DCUN1D4: variants seen among roughly 807,000 people sequenced by gnomAD.
The protein encoded by DCUN1D4 is DCN1-like protein 4.
A neutral mutation model predicts 47.9 loss-of-function variants in DCUN1D4; 22 were observed. The ratio of observed to expected loss-of-function variants is 0.46; its 90% CI spans 0.33 to 0.66. The LOEUF (loss-of-function observed/expected upper bound fraction) is 0.66. Among genes scored for constraint, DCUN1D4 ranks in the 30% least tolerant of loss-of-function variants. The pLI, the probability that DCUN1D4 is intolerant of heterozygous loss-of-function variation, is 0.02. For missense variants in DCUN1D4, 301 were observed against 340.8 expected (o/e 0.88, Z 0.92); for synonymous variants, 121 against 112.2 (o/e 1.08, Z -0.50).
intron 3 of DCUN1D4, among the ~76,000 whole-genome samples, chr4:51,873,149 G>T (rs1280962781): frequency 6.6e-6 from 1 of 152,148 alleles, no homozygotes; most frequent in Non-Finnish European, 1.5e-5. Flanking sequence ...ACGCTCTCCT[G>T]TCCTCATCAC....
At chr4:51,901,175 C>T (rs976435775) in intron 8 of DCUN1D4, among the ~76,000 whole-genome samples, 1 of 152,158 alleles carries the variant, frequency 6.6e-6, no homozygotes, top group African/African-American at 2.4e-5. Flanking sequence ...AGCCACCTTC[C>T]TGCTCCCCAC....
intron 3 of DCUN1D4, among the ~76,000 whole-genome samples, chr4:51,867,851 C>T (rs1417822592): frequency 6.6e-6 from 1 of 152,210 alleles, no homozygotes; most frequent in African/African-American, 2.4e-5. Context: ...TGCGCAGAAG[C>T]CTGCTTCCTG....
chr4:51,897,797 G>A (rs1731494778), intron 7 of DCUN1D4, among the ~76,000 whole-genome samples: 1 of 152,178 alleles, frequency 6.6e-6, no homozygotes, highest in African/African-American at 2.4e-5. Context: ...CAGCTTTAGG[G>A]GGCTACTGCC....
chr4:51,893,669 G>A (rs746944816), intron 7 of DCUN1D4, among the ~76,000 whole-genome samples: 59 of 152,222 alleles, frequency 3.9e-4, no homozygotes, highest in Non-Finnish European at 6.8e-4. Flanking sequence ...TGATCTGCCC[G>A]CCTCAGCCTC....
At chr4:51,861,262 T>C (rs1725006283) in intron 1 of DCUN1D4, among the ~76,000 whole-genome samples, 1 of 152,126 alleles carries the variant, frequency 6.6e-6, no homozygotes, top group Non-Finnish European at 1.5e-5. Flanking sequence ...GTTTTGTGTG[T>C]GTGTGCAAGT....
At chr4:51,898,912 T>C (rs1731681452) in intron 7 of DCUN1D4, among the ~76,000 whole-genome samples, 1 of 152,194 alleles carries the variant, frequency 6.6e-6, no homozygotes, top group African/African-American at 2.4e-5. Flanking sequence ...CTAAGAAAGT[T>C]AACATTGATA....
chr4:51,876,258 T>C (rs1335275523), intron 4 of DCUN1D4, among the ~76,000 whole-genome samples: 1 of 152,160 alleles, frequency 6.6e-6, no homozygotes, highest in East Asian at 1.9e-4. Flanking sequence ...TGAGTTCATG[T>C]CCTTTGTAGG....
intron 9 of DCUN1D4, among the ~76,000 whole-genome samples, chr4:51,911,844 G>A (rs1040024923): frequency 1.3e-5 from 2 of 152,254 alleles, no homozygotes; most frequent in South Asian, 2.1e-4. Context: ...TACTTGGGTT[G>A]TCATATATGG....
At position 51,915,469 on chromosome 4, in the gene DCUN1D4, C is replaced by T. The variant is rs1344220262; in HGVS notation, c.*1885C>T. On this transcript the variant is annotated 3_prime_UTR_variant, in exon 11 of 11. Coordinates refer to ENST00000334635, the MANE Select transcript of DCUN1D4 (RefSeq NM_001040402.3). The stretch of plus-strand genomic sequence containing the variant: ...AACAGGAAATGTTAATGGCAAGCAA[C>T]AGCTATTAATACTGATGTGATGGAT... The T allele has an allele frequency of 6.6e-6, 1 of 152,450 alleles. No individual in the cohort carries two copies. The highest frequency in any genetic ancestry group is 6.6e-5 in the Admixed American group (1 of 15,244). The allele number at this position is 152,450 out of a possible 1,614,324, so 9.4% of individuals were successfully genotyped here.
intron 1 of DCUN1D4, among the ~76,000 whole-genome samples, chr4:51,856,814 T>A (rs1020642260): frequency 2.0e-5 from 3 of 152,210 alleles, no homozygotes; most frequent in Admixed American, 2.0e-4. Flanking sequence ...CTAAAGTCCC[T>A]GTGTAAGGTG....
chr4:51,843,151 T>C, upstream of DCUN1D4: 1 of 1,514,308 alleles, frequency 6.6e-7, no homozygotes, highest in Middle Eastern at 2.2e-4. Context: ...CGGCGGGTCC[T>C]CAGCTTCGAG....
At chr4:51,887,250 C>G (rs868128976) in intron 6 of DCUN1D4, 2 of 351,474 alleles carry the variant, frequency 5.7e-6, no homozygotes, top group Admixed American at 4.1e-5. Context: ...TACAGGTGTG[C>G]GCCACCATGC....
At chr4:51,901,266 C>T (rs1167784143) in intron 8 of DCUN1D4, among the ~76,000 whole-genome samples, 1 of 152,140 alleles carries the variant, frequency 6.6e-6, no homozygotes, top group Non-Finnish European at 1.5e-5. Flanking sequence ...CATGTCAGCT[C>T]TGAGGGACAG....
chr4:51,836,928 AG>A, the DCUN1D4 span, among the ~76,000 whole-genome samples: 3 of 152,224 alleles, frequency 2.0e-5, no homozygotes, highest in Non-Finnish European at 4.4e-5. Context: ...TCATGGTAGC[AG>A]GCTAGAGAAG....
At chr4:51,889,767 G>T (rs1358322662) in intron 6 of DCUN1D4, among the ~76,000 whole-genome samples, 1 of 152,152 alleles carries the variant, frequency 6.6e-6, no homozygotes, top group African/African-American at 2.4e-5. Context: ...GGGATGAGGA[G>T]AAAATCCACT....
chr4:51,901,485 T>C lies in DCUN1D4; in HGVS notation c.615+2107T>C, dbSNP rs562893185. ...ATGATGAAATTGCACTAACGGTTGC[T>C]CACTGGCCCTGCTTCCTGGCCTCTC... On this transcript the variant is annotated intron_variant, in intron 8 of 10. Coordinates refer to ENST00000334635, the MANE Select transcript of DCUN1D4 (RefSeq NM_001040402.3). 3.9e-5 allele frequency among the ~76,000 whole-genome samples: 6 copies of C among 152,342 alleles called. No homozygotes were observed. The South Asian group carries it at 1.2e-3, about 32-fold the overall frequency.
chr4:51,899,916 A>G (rs1309585646), intron 8 of DCUN1D4, among the ~76,000 whole-genome samples: 1 of 152,234 alleles, frequency 6.6e-6, no homozygotes, highest in Non-Finnish European at 1.5e-5. Context: ...AAGTCGAAGT[A>G]TGTGAAAGTG....
At chr4:51,862,593 A>G (rs1261750455) in intron 1 of DCUN1D4, among the ~76,000 whole-genome samples, 1 of 152,234 alleles carries the variant, frequency 6.6e-6, no homozygotes, top group Non-Finnish European at 1.5e-5. Context: ...TTAATAGGAA[A>G]GAAGGAACTA....
chr4:51,869,194 G>GGAT (rs1223034414), intron 3 of DCUN1D4, among the ~76,000 whole-genome samples: 1 of 151,178 alleles, frequency 6.6e-6, no homozygotes, highest in South Asian at 2.1e-4. Context: ...AAATGAGTAG[G>GGAT]GATGATGATG....
Sources: allele counts gnomAD v4.1 joint callset (sites outside exome capture counted in the v4.1 genomes callset), GRCh38; gene constraint gnomAD v4.1.1; transcripts MANE v1.5; gene names NCBI Gene and HGNC (gene_info 2026-07-23, HGNC 2026-07-21).